LRBA: variants seen among roughly 807,000 people sequenced by gnomAD.
LRBA encodes the protein LPS responsive beige-like anchor protein.
Under a neutral mutation model 330.0 loss-of-function variants are expected in LRBA, and 176 were observed. That is an observed-to-expected ratio of 0.53 (90% confidence interval 0.47 to 0.60). LRBA has a LOEUF of 0.60. LRBA is among the 20% of genes least tolerant of loss of function. The pLI is 0.00. For missense variants in LRBA, 3,259 were observed against 3,444.8 expected, an observed-to-expected ratio of 0.95 and a Z score of 1.35; for synonymous variants, 1,230 against 1,193.0, an observed-to-expected ratio of 1.03 and a Z score of -0.64.
intron 37 of LRBA, among the ~76,000 whole-genome samples, chr4:150,643,586 C>G (rs534730792): frequency 5.9e-5 from 9 of 151,982 alleles, no homozygotes; most frequent in African/African-American, 1.7e-4. Flanking sequence ...TATGTTTACT[C>G]AAGTAATAGC....
At chr4:150,414,190 C>T (rs1006840523) in intron 47 of LRBA, among the ~76,000 whole-genome samples, 7 of 152,096 alleles carry the variant, frequency 4.6e-5, no homozygotes, top group Admixed American at 3.9e-4. Flanking sequence ...CTGCTAAGGT[C>T]CCACAATCAG....
rs117167527 is a variant in LRBA at position 150,551,922 on chromosome 4, C to T, written c.6330+36126G>A. ...TCATTTTGGCACCAGAAACTGATTT[C>T]GTGGAAGACAATTTTTCCACAGACC... is the stretch of plus-strand genomic sequence containing the variant. On this transcript the variant is annotated intron_variant, in intron 40 of 56. Coordinates refer to ENST00000651943, the MANE Select transcript of LRBA (RefSeq NM_001364905.1). 1.3e-3 allele frequency among the ~76,000 whole-genome samples: 198 copies of T among 152,172 alleles called. 3 individuals carry two copies. In the East Asian group the frequency reaches 0.036, roughly 28 times the overall value.
At chr4:150,772,893 G>C (rs62346341) in intron 34 of LRBA, among the ~76,000 whole-genome samples, 2 of 152,018 alleles carry the variant, frequency 1.3e-5, no homozygotes, top group Non-Finnish European at 2.9e-5. Flanking sequence ...ATATCCAAAT[G>C]AGGAATACGT....
rs749913953 is a variant in LRBA at position 150,415,627 on chromosome 4, T to A, written c.7042-37A>T. Reference sequence around the variant, plus strand: ...TAAAAGACAATGTGATATTATAAACTGTAGGATACTGACTAGATATTCAAA... The same window carrying A: ...TAAAAGACAATGTGATATTATAAACAGTAGGATACTGACTAGATATTCAAA... On this transcript the variant is annotated intron_variant, in intron 46 of 56. Transcript: ENST00000651943. 5.0e-6 allele frequency: 6 copies of A among 1,203,378 alleles called. No homozygotes were observed. The East Asian group carries it at 1.4e-4, about 28-fold the overall frequency. The allele number at this position is 1,203,378 out of a possible 1,614,324, so 74.5% of individuals were successfully genotyped here.
At chr4:150,854,114 A>T (rs1336138424) in intron 22 of LRBA, among the ~76,000 whole-genome samples, 1 of 152,024 alleles carries the variant, frequency 6.6e-6, no homozygotes, top group African/African-American at 2.4e-5. Flanking sequence ...ATCGACATTA[A>T]CTCGCCTTTA....
At chr4:150,316,718 T>C (rs769568573) in intron 50 of LRBA, among the ~76,000 whole-genome samples, 1 of 152,178 alleles carries the variant, frequency 6.6e-6, no homozygotes, top group Non-Finnish European at 1.5e-5. Context: ...ACCTCAACCC[T>C]GGCTCTTGAC....
chr4:150,805,422 GGAAA>G (rs1560841668), intron 33 of LRBA, among the ~76,000 whole-genome samples: 1 of 101,652 alleles, frequency 9.8e-6, no homozygotes, highest in African/African-American at 5.1e-5. Context: ...GGAAGGGAAA[GGAAA>G]GGAAAGGAAA....
intron 2 of LRBA, among the ~76,000 whole-genome samples, chr4:150,965,368 G>A (rs1459726345): frequency 6.6e-6 from 1 of 152,142 alleles, no homozygotes; most frequent in African/African-American, 2.4e-5. Context: ...GAAAAAGCAA[G>A]ATGTAGAACA....
intron 33 of LRBA, among the ~76,000 whole-genome samples, chr4:150,799,116 G>A (rs780750277): frequency 2.6e-5 from 4 of 152,072 alleles, no homozygotes; most frequent in Non-Finnish European, 4.4e-5. Context: ...GATAGCGCAT[G>A]TTGGCATTTT....
intron 40 of LRBA, among the ~76,000 whole-genome samples, chr4:150,495,151 C>G (rs1446983153): frequency 4.6e-5 from 7 of 152,178 alleles, no homozygotes; most frequent in Non-Finnish European, 7.3e-5. Flanking sequence ...ATAACGCTTC[C>G]TGATCCCATT....
rs529562386 is a variant in LRBA, at chr4:150,632,812, G to GT, written c.5922-33682_5922-33681insA. On this transcript the variant is annotated intron_variant, in intron 37 of 56. Coordinates refer to ENST00000651943, the MANE Select transcript of LRBA (RefSeq NM_001364905.1). ...TTGATCTCAGCAATTTATACTTGCTGCATCATAGCAGTTATTCAACTACTT... is the reference window on the plus strand; with the variant it reads ...TTGATCTCAGCAATTTATACTTGCTGTCATCATAGCAGTTATTCAACTACTT... 1.5e-3 allele frequency among the ~76,000 whole-genome samples: 234 copies of GT among 152,278 alleles called. 1 individual carries two copies. Among genetic ancestry groups the GT allele is most frequent in the African/African-American group, 5.3e-3 (220 of 41,564 alleles).
At chr4:150,448,824 G>GAAAAA (rs1214851658) in intron 44 of LRBA, among the ~76,000 whole-genome samples, 4 of 29,690 alleles carry the variant, frequency 1.3e-4, no homozygotes, top group Admixed American at 5.5e-4. Context: ...AAAAAAAAAG[G>GAAAAA]GGGGGGGGGT....
intron 7 of LRBA, among the ~76,000 whole-genome samples, chr4:150,916,059 A>G (rs961715656): frequency 3.9e-5 from 6 of 152,168 alleles, no homozygotes; most frequent in Non-Finnish European, 8.8e-5. Context: ...TGCTTAATCT[A>G]TCTGACTACC....
At chr4:150,377,110 T>C (rs1042341140) in intron 47 of LRBA, among the ~76,000 whole-genome samples, 5 of 139,864 alleles carry the variant, frequency 3.6e-5, no homozygotes, top group African/African-American at 1.3e-4. Context: ...CTGAGCAACA[T>C]GGCAAGATCC....
intron 34 of LRBA, among the ~76,000 whole-genome samples, chr4:150,788,975 G>C (rs1471125730): frequency 2.0e-5 from 3 of 151,820 alleles, no homozygotes; most frequent in African/African-American, 7.3e-5. Flanking sequence ...TCGGAAGGCT[G>C]AGGCAGGAGA....
chr4:150,830,860 T>C (rs1008372664), intron 29 of LRBA, among the ~76,000 whole-genome samples: 2 of 151,046 alleles, frequency 1.3e-5, no homozygotes, highest in African/African-American at 4.9e-5. Flanking sequence ...GCCTCCCAAG[T>C]TCAAGCGATT....
intron 40 of LRBA, among the ~76,000 whole-genome samples, chr4:150,585,081 G>T (rs926545232): frequency 6.6e-6 from 1 of 152,082 alleles, no homozygotes; most frequent in African/African-American, 2.4e-5. Context: ...ATCTGAATCC[G>T]ATATACAAAG....
chr4:150,579,796 C>T, intron 40 of LRBA: 1 of 447,298 alleles, frequency 2.2e-6, no homozygotes, highest in Non-Finnish European at 4.5e-6. Context: ...ACTCCGCCAC[C>T]CCTGAGGCTG....
At chr4:150,568,036 TG>T (rs1254725026) in intron 40 of LRBA, among the ~76,000 whole-genome samples, 1 of 152,186 alleles carries the variant, frequency 6.6e-6, no homozygotes, top group Non-Finnish European at 1.5e-5. Context: ...CCGGGCACTG[TG>T]GCTCACGCCT....
Sources: gnomAD v4.1 joint callset for allele counts (sites outside exome capture counted in the v4.1 genomes callset) on GRCh38, gnomAD v4.1.1 for gene constraint, MANE v1.5 for transcripts, NCBI Gene and HGNC (gene_info 2026-07-23, HGNC 2026-07-21) for gene names.